RBM6: variants seen among roughly 807,000 people sequenced by gnomAD.
RBM6 encodes RNA-binding protein 6.
In RBM6, 23 loss-of-function variants were observed where a neutral mutation model predicts 140.4. The observed-to-expected ratio is 0.16, with a 90% CI of 0.12 to 0.23. RBM6 has a LOEUF of 0.23. Among genes scored for constraint, RBM6 ranks in the 10% least tolerant of loss-of-function variants. The pLI, the probability that RBM6 is intolerant of heterozygous loss-of-function variation, is 1.00. For missense variants in RBM6, 1,139 were observed against 1,386.7 expected, an observed-to-expected ratio of 0.82 and a Z score of 2.84; for synonymous variants, 439 against 475.6, an observed-to-expected ratio of 0.92 and a Z score of 1.00.
chr3:49,961,790 T>G (rs1428176237), intron 1 of RBM6, among the ~76,000 whole-genome samples: 2 of 147,528 alleles, frequency 1.4e-5, no homozygotes, highest in African/African-American at 2.5e-5. Context: ...CAGAGAGAGA[T>G]TCTGTCTTTA....
At chr3:50,000,858 C>G (rs938511465) in intron 6 of RBM6, among the ~76,000 whole-genome samples, 1 of 152,188 alleles carries the variant, frequency 6.6e-6, no homozygotes, top group Non-Finnish European at 1.5e-5. Flanking sequence ...TCTTCTTGGC[C>G]AAGTTCTCCT....
chr3:50,011,603 T>C (rs1440159631), intron 6 of RBM6, among the ~76,000 whole-genome samples: 3 of 152,102 alleles, frequency 2.0e-5, no homozygotes, highest in African/African-American at 7.2e-5. Context: ...TCTCCACATA[T>C]GTCTTTCTTA....
At chr3:49,990,729 G>A (rs541419355) in intron 5 of RBM6, among the ~76,000 whole-genome samples, 1 of 152,232 alleles carries the variant, frequency 6.6e-6, no homozygotes, top group African/African-American at 2.4e-5. Flanking sequence ...GAGGACAAGT[G>A]CTATAAGGAA....
chr3:49,959,085 G>A (rs2084155802), intron 1 of RBM6, among the ~76,000 whole-genome samples: 1 of 150,786 alleles, frequency 6.6e-6, no homozygotes, highest in South Asian at 2.1e-4. Flanking sequence ...GAGCCACTGT[G>A]CCCGGACTGA....
chr3:50,032,246 G>A (rs1357410637), intron 6 of RBM6, among the ~76,000 whole-genome samples: 1 of 152,012 alleles, frequency 6.6e-6, no homozygotes, highest in African/African-American at 2.4e-5. Context: ...ACTTTGGGAG[G>A]TCGAGGCAGG....
chr3:50,069,856 A>T (rs1340364934), intron 18 of RBM6, among the ~76,000 whole-genome samples: 1 of 152,130 alleles, frequency 6.6e-6, no homozygotes, highest in Non-Finnish European at 1.5e-5. Flanking sequence ...TGGACTCCTT[A>T]AGTTTTATAT....
At chr3:50,061,663 C>T in intron 14 of RBM6, 116 bp downstream of exon 14, 1 of 1,480,272 alleles carries the variant, frequency 6.8e-7, no homozygotes, top group Non-Finnish European at 8.9e-7. Flanking sequence ...TCTCTGGATG[C>T]TCATTGCATG....
At chr3:50,047,370 G>A in intron 6 of RBM6, 1 of 981,046 alleles carries the variant, frequency 1.0e-6, no homozygotes, top group Non-Finnish European at 1.2e-6. Flanking sequence ...TTGTCAGTAG[G>A]CAGAGAATTT....
chr3:50,025,609 GAGAC>G (rs1436818067), intron 6 of RBM6, among the ~76,000 whole-genome samples: 1 of 44,788 alleles, frequency 2.2e-5, no homozygotes, highest in Non-Finnish European at 4.9e-5. Context: ...TTTTTTTTAA[GAGAC>G]AGGGTGTCAC....
At chr3:49,990,221 C>T (rs971892059) in intron 5 of RBM6, among the ~76,000 whole-genome samples, 1 of 152,070 alleles carries the variant, frequency 6.6e-6, no homozygotes, top group African/African-American at 2.4e-5. Flanking sequence ...GGTATATTTA[C>T]ACAAACTAGA....
intron 6 of RBM6, among the ~76,000 whole-genome samples, chr3:50,043,977 G>A (rs566946377): frequency 7.9e-5 from 12 of 151,620 alleles, no homozygotes; most frequent in Non-Finnish European, 1.3e-4. Context: ...TCCACCTCCC[G>A]GGTTCTAGCA....
At position 50,019,272 on chromosome 3, in the gene RBM6, C is replaced by T. The variant is rs142756007; in HGVS notation, c.1557+19759C>T. Reference sequence around the variant, plus strand: ...ACTCCTGACCTTAGGTGATCTGCCCCGCCTTGGCCTCCTGAATTGCTGGGA... The same window carrying T: ...ACTCCTGACCTTAGGTGATCTGCCCTGCCTTGGCCTCCTGAATTGCTGGGA... On this transcript the variant is annotated intron_variant, in intron 6 of 20. Transcript: ENST00000266022. Among the ~76,000 whole-genome samples, 122 of 152,112 alleles carry T rather than the reference C, an allele frequency of 8.0e-4. No homozygotes were observed. In the Middle Eastern group the frequency reaches 0.01, roughly 13 times the overall value.
intron 7 of RBM6, among the ~76,000 whole-genome samples, chr3:50,052,102 T>C (rs970653795): frequency 4.6e-5 from 7 of 152,164 alleles, no homozygotes; most frequent in Non-Finnish European, 1.0e-4. Context: ...TCTTGGTTTG[T>C]CACCCAGGCT....
chr3:49,974,986 C>G (rs534921801), intron 4 of RBM6, among the ~76,000 whole-genome samples: 1 of 151,778 alleles, frequency 6.6e-6, no homozygotes, highest in African/African-American at 2.4e-5. Context: ...CACGCCCGGT[C>G]TCTCCTGGCT....
chr3:50,052,196 C>G (rs1243244062), intron 7 of RBM6, among the ~76,000 whole-genome samples: 1 of 152,212 alleles, frequency 6.6e-6, no homozygotes, highest in Non-Finnish European at 1.5e-5. Flanking sequence ...TCCCAAGTAG[C>G]TGGGATTACA....
At chr3:50,031,547 C>T (rs1045544162) in intron 6 of RBM6, among the ~76,000 whole-genome samples, 4 of 148,186 alleles carry the variant, frequency 2.7e-5, no homozygotes, top group African/African-American at 7.5e-5. Context: ...CACTTGGACA[C>T]AGAGCGGGGA....
At chr3:50,035,556 C>G (rs993818218) in intron 6 of RBM6, among the ~76,000 whole-genome samples, 1 of 151,806 alleles carries the variant, frequency 6.6e-6, no homozygotes, top group Non-Finnish European at 1.5e-5. Context: ...GTGGCGGGTG[C>G]CTGTAGTCCC....
intron 2 of RBM6, among the ~76,000 whole-genome samples, chr3:49,963,635 G>C (rs1244771982): frequency 6.6e-6 from 1 of 152,188 alleles, no homozygotes; most frequent in East Asian, 1.9e-4. Flanking sequence ...GTACCAAGAA[G>C]AGTGGAGAAA....
chr3:50,030,767 C>A (rs556306811), intron 6 of RBM6, among the ~76,000 whole-genome samples: 69 of 152,098 alleles, frequency 4.5e-4, no homozygotes, highest in Non-Finnish European at 5.0e-4. Context: ...TGATTTCTAT[C>A]TTATTGTTCA....
Sources: allele counts gnomAD v4.1 joint callset (sites outside exome capture counted in the v4.1 genomes callset), GRCh38; gene constraint gnomAD v4.1.1; transcripts MANE v1.5; gene names NCBI Gene and HGNC (gene_info 2026-07-23, HGNC 2026-07-21).